Variants in ZPBP observed in about 807,000 individuals in gnomAD.
The protein encoded by ZPBP is zona pellucida-binding protein 1.
Under a neutral mutation model 44.8 loss-of-function variants are expected in ZPBP, and 26 were observed. The ratio of observed to expected loss-of-function variants is 0.58; its 90% CI spans 0.43 to 0.81. ZPBP has a LOEUF of 0.81. ZPBP is among the 30% of genes least tolerant of loss of function. The pLI, the probability that ZPBP is intolerant of heterozygous loss-of-function variation, is 0.00. For synonymous variants in ZPBP, 174 were observed against 153.2 expected, an observed-to-expected ratio of 1.14 and a Z score of -1.00; for missense variants, 409 against 434.0, an observed-to-expected ratio of 0.94 and a Z score of 0.51.
chr7:50,052,041 C>A (rs1281314676), intron 4 of ZPBP, among the ~76,000 whole-genome samples: 1 of 151,838 alleles, frequency 6.6e-6, no homozygotes, highest in African/African-American at 2.4e-5. Context: ...TAGAACAAGG[C>A]AAATAATTTT....
At chr7:50,027,189 A>G (rs1799379081) in intron 5 of ZPBP, among the ~76,000 whole-genome samples, 1 of 152,028 alleles carries the variant, frequency 6.6e-6, no homozygotes, top group Non-Finnish European at 1.5e-5. Flanking sequence ...ACCAGAGACC[A>G]TATCTTCCCA....
chr7:50,089,581 C>A, intron 2 of ZPBP, 48 bp downstream of exon 2: 1 of 1,370,434 alleles, frequency 7.3e-7, no homozygotes, highest in Non-Finnish European at 1.0e-6. Context: ...TAAATTTAAA[C>A]AAATGCTAAT....
At chr7:49,981,679 AT>A (rs1796974100) in intron 7 of ZPBP, among the ~76,000 whole-genome samples, 1 of 41,924 alleles carries the variant, frequency 2.4e-5, no homozygotes, top group Non-Finnish European at 3.4e-5. Flanking sequence ...TATATATTAT[AT>A]ATAATAATAT....
chr7:49,986,285 C>T (rs538141754), intron 6 of ZPBP, among the ~76,000 whole-genome samples: 2 of 152,176 alleles, frequency 1.3e-5, no homozygotes, highest in Non-Finnish European at 2.9e-5. Context: ...TCTAACCCAG[C>T]CTTTTCTACA....
chr7:49,955,328 G>A (rs1795532807), intron 7 of ZPBP, among the ~76,000 whole-genome samples: 1 of 152,156 alleles, frequency 6.6e-6, no homozygotes, highest in South Asian at 2.1e-4. Context: ...AGAGGCCAAA[G>A]TGGGCGGATC....
chr7:50,012,942 G>A (rs1047167570), intron 6 of ZPBP, among the ~76,000 whole-genome samples: 1 of 151,742 alleles, frequency 6.6e-6, no homozygotes, highest in East Asian at 1.9e-4. Flanking sequence ...TTAGCAAGGT[G>A]GCATGATACA....
At chr7:49,859,012 C>G (rs574832632) in intron 2 of ZPBP, among the ~76,000 whole-genome samples, 12 of 152,286 alleles carry the variant, frequency 7.9e-5, no homozygotes, top group African/African-American at 2.9e-4. Context: ...ATTACTGTTG[C>G]TATCTGATGG....
At chr7:49,940,587 TG>T (rs1456719237) in intron 7 of ZPBP, among the ~76,000 whole-genome samples, 1 of 151,012 alleles carries the variant, frequency 6.6e-6, no homozygotes, top group African/African-American at 2.4e-5. Flanking sequence ...AACTAGAGAC[TG>T]GCTAAAATAA....
chr7:49,991,199 G>A (rs1005993662), intron 6 of ZPBP, among the ~76,000 whole-genome samples: 56 of 152,090 alleles, frequency 3.7e-4, no homozygotes, highest in African/African-American at 1.2e-3. Flanking sequence ...TTGTAGGAAA[G>A]GGATTATTTT....
intron 3 of ZPBP, among the ~76,000 whole-genome samples, chr7:50,068,683 C>T (rs1302068531): frequency 1.3e-5 from 2 of 152,150 alleles, no homozygotes; most frequent in Non-Finnish European, 2.9e-5. Context: ...GGTTAATTTA[C>T]ATCTTGGTAG....
chr7:49,855,173 A>G (rs1263411725), intron 2 of ZPBP, among the ~76,000 whole-genome samples: 1 of 152,258 alleles, frequency 6.6e-6, no homozygotes, highest in African/African-American at 2.4e-5. Context: ...TGCAATTATC[A>G]TATTTCTTAG....
intron 2 of ZPBP, among the ~76,000 whole-genome samples, chr7:49,866,473 T>A (rs1790894966): frequency 6.6e-6 from 1 of 152,198 alleles, no homozygotes; most frequent in Admixed American, 6.5e-5. Flanking sequence ...GGCAAGCCCT[T>A]TGCAAGCCTC....
chr7:49,954,916 T>C (rs1199314375), intron 7 of ZPBP, among the ~76,000 whole-genome samples: 3 of 152,174 alleles, frequency 2.0e-5, no homozygotes, highest in African/African-American at 7.2e-5. Context: ...TTTATCAAGA[T>C]GTGCCAGATT....
At chr7:50,033,668 T>A (rs549970413) in intron 4 of ZPBP, among the ~76,000 whole-genome samples, 26 of 147,476 alleles carry the variant, frequency 1.8e-4, no homozygotes, top group African/African-American at 6.4e-4. Flanking sequence ...CAATAATTAT[T>A]CTTTCTACAG....
At chr7:49,977,034 G>A (rs1405590885) in intron 7 of ZPBP, among the ~76,000 whole-genome samples, 4 of 151,678 alleles carry the variant, frequency 2.6e-5, no homozygotes, top group African/African-American at 9.7e-5. Flanking sequence ...CCCAGGAGAC[G>A]GAGCTTGCAG....
At chr7:49,912,870 A>C (rs1189707743) in intron 1 of ZPBP, 2 of 152,182 alleles carry the variant, frequency 1.3e-5, no homozygotes, top group East Asian at 3.8e-4. Context: ...ACCATAGGTA[A>C]GCACATACAT....
chr7:50,014,913 T>C (rs960415653), intron 6 of ZPBP, among the ~76,000 whole-genome samples: 6 of 152,164 alleles, frequency 3.9e-5, no homozygotes, highest in African/African-American at 7.2e-5. Flanking sequence ...TTTAATAATA[T>C]ATAAGATGCT....
At chr7:49,996,855 T>A (rs1469396009) in intron 6 of ZPBP, among the ~76,000 whole-genome samples, 1 of 152,236 alleles carries the variant, frequency 6.6e-6, no homozygotes, top group East Asian at 1.9e-4. Context: ...GATGGCTGCC[T>A]TGACTCTGCT....
intron 2 of ZPBP, among the ~76,000 whole-genome samples, chr7:49,896,455 C>T (rs1203090517): frequency 1.3e-5 from 2 of 151,986 alleles, no homozygotes; most frequent in South Asian, 4.2e-4. Flanking sequence ...ATTCCTAAAT[C>T]AATAATTAAG....
Sources: gnomAD v4.1 joint callset for allele counts (sites outside exome capture counted in the v4.1 genomes callset) on GRCh38, gnomAD v4.1.1 for gene constraint, MANE v1.5 for transcripts, NCBI Gene and HGNC (gene_info 2026-07-23, HGNC 2026-07-21) for gene names.